PTPRJ: variants seen among roughly 807,000 people sequenced by gnomAD.
PTPRJ encodes receptor-type tyrosine-protein phosphatase eta.
Under a neutral mutation model 141.3 loss-of-function variants are expected in PTPRJ, and 129 were observed. That is an observed-to-expected ratio of 0.91 (90% CI 0.79 to 1.06). The LOEUF is 1.06. PTPRJ is among the 50% of genes least tolerant of loss of function. PTPRJ has a pLI of 0.00. For synonymous variants in PTPRJ, 610 were observed against 640.5 expected, an observed-to-expected ratio of 0.95 and a Z score of 0.72; for missense variants, 1,601 against 1,679.7, an observed-to-expected ratio of 0.95 and a Z score of 0.82.
At chr11:48,144,544 T>A in intron 12 of PTPRJ, 131 bp from the exon 13 acceptor site, 1 of 717,214 alleles carries the variant, frequency 1.4e-6, no homozygotes, top group Non-Finnish European at 2.3e-6. Flanking sequence ...AAGTCAAACC[T>A]GGCACAGAGA....
At chr11:48,011,152 C>T (rs763497977) in intron 1 of PTPRJ, among the ~76,000 whole-genome samples, 11 of 152,086 alleles carry the variant, frequency 7.2e-5, no homozygotes, top group Non-Finnish European at 1.2e-4. Flanking sequence ...CATTGTCATG[C>T]GGGAGTCACC....
At chr11:48,067,519 AT>A (rs1448724011) in intron 1 of PTPRJ, among the ~76,000 whole-genome samples, 3 of 152,202 alleles carry the variant, frequency 2.0e-5, no homozygotes, top group Non-Finnish European at 4.4e-5. Flanking sequence ...TTATTTGGAA[AT>A]TTGAAAGAGA....
intron 1 of PTPRJ, among the ~76,000 whole-genome samples, chr11:48,069,350 T>A (rs1375672328): frequency 6.6e-6 from 1 of 151,848 alleles, no homozygotes; most frequent in Non-Finnish European, 1.5e-5. Flanking sequence ...CCACCTGCCT[T>A]GGCCTCCCAA....
chr11:48,036,953 C>A (rs929542466), intron 1 of PTPRJ, among the ~76,000 whole-genome samples: 2 of 152,196 alleles, frequency 1.3e-5, no homozygotes, highest in Admixed American at 1.3e-4. Context: ...TGGAGCAGCA[C>A]CAGGTAAGTC....
intron 24 of PTPRJ, 42 bp from the exon 25 acceptor site, chr11:48,167,162 C>T: frequency 6.4e-7 from 1 of 1,565,418 alleles, no homozygotes; most frequent in South Asian, 1.1e-5. Context: ...ATTTCTGGGA[C>T]CCATGTTCAT....
chr11:48,052,286 G>A, intron 1 of PTPRJ, among the ~76,000 whole-genome samples: 1 of 152,242 alleles, frequency 6.6e-6, no homozygotes, highest in East Asian at 1.9e-4. Context: ...TGGGAGCATA[G>A]ATGGATGCTT....
chr11:48,029,148 C>T (rs1255252894), intron 1 of PTPRJ, among the ~76,000 whole-genome samples: 4 of 152,136 alleles, frequency 2.6e-5, no homozygotes, highest in Non-Finnish European at 4.4e-5. Context: ...GAGGTCCTGC[C>T]CGCACAGCCT....
intron 10 of PTPRJ, among the ~76,000 whole-genome samples, chr11:48,138,171 A>ACCAGCCTTGATCAAGTCAAG (rs1354041590): frequency 3.9e-5 from 6 of 152,150 alleles, no homozygotes; most frequent in Admixed American, 3.9e-4. Flanking sequence ...GTAGTATAGG[A>ACCAGCCTTGATCAAGTCAAG]GCTCCAGCCT....
intron 1 of PTPRJ, among the ~76,000 whole-genome samples, chr11:48,109,652 C>T (rs907818673): frequency 1.3e-5 from 2 of 152,060 alleles, no homozygotes; most frequent in African/African-American, 4.8e-5. Flanking sequence ...TTGGTATCCC[C>T]CCCACCCAAC....
intron 1 of PTPRJ, among the ~76,000 whole-genome samples, chr11:47,991,638 T>A (rs1854196185): frequency 6.6e-6 from 1 of 152,180 alleles, no homozygotes; most frequent in African/African-American, 2.4e-5. Flanking sequence ...CTTGTTCCTG[T>A]GACCAGGACA....
intron 1 of PTPRJ, among the ~76,000 whole-genome samples, chr11:48,101,934 G>C (rs769205505): frequency 1.3e-5 from 2 of 152,244 alleles, no homozygotes; most frequent in Non-Finnish European, 2.9e-5. Flanking sequence ...GTGGCAGGCA[G>C]AATGGTACAT....
intron 1 of PTPRJ, among the ~76,000 whole-genome samples, chr11:48,019,110 C>G (rs1855034146): frequency 6.6e-6 from 1 of 152,026 alleles, no homozygotes; most frequent in African/African-American, 2.4e-5. Flanking sequence ...TGGGTCCTGC[C>G]CTTCCAGGCT....
intron 2 of PTPRJ, among the ~76,000 whole-genome samples, chr11:48,111,079 A>G (rs7127635): frequency 2.6e-5 from 4 of 151,960 alleles, no homozygotes; most frequent in African/African-American, 9.7e-5. Flanking sequence ...GAGTTCGAGA[A>G]CAGCTTGGCC....
chr11:48,163,708 T>G, intron 23 of PTPRJ, 90 bp downstream of exon 23: 1 of 1,370,862 alleles, frequency 7.3e-7, no homozygotes, highest in Admixed American at 2.0e-5. Context: ...AGAGGGAATG[T>G]AATAGGCATT....
intron 1 of PTPRJ, among the ~76,000 whole-genome samples, chr11:48,088,745 C>T (rs17727563): frequency 0.03 from 4,637 of 152,164 alleles, 107 homozygotes; most frequent in Non-Finnish European, 0.046. Context: ...TTCTGCAGGA[C>T]GGATGAACTA....
chr11:48,111,475 G>A (rs963407889), intron 2 of PTPRJ, among the ~76,000 whole-genome samples: 2 of 151,774 alleles, frequency 1.3e-5, no homozygotes, highest in Admixed American at 6.6e-5. Flanking sequence ...AGCATATATG[G>A]GCAGATCTTG....
chr11:48,096,495 A>G (rs185148664), intron 1 of PTPRJ, among the ~76,000 whole-genome samples: 1 of 152,120 alleles, frequency 6.6e-6, no homozygotes, highest in East Asian at 1.9e-4. Flanking sequence ...TCTCCGCCAA[A>G]ACTATCCTGG....
chr11:48,058,500 A>G (rs1854823657), intron 1 of PTPRJ, among the ~76,000 whole-genome samples: 1 of 152,074 alleles, frequency 6.6e-6, no homozygotes, highest in South Asian at 2.1e-4. Flanking sequence ...GGTGTGAGCC[A>G]CTTTACCCAG....
intron 1 of PTPRJ, among the ~76,000 whole-genome samples, chr11:48,006,288 G>A (rs1467560969): frequency 1.3e-5 from 2 of 150,494 alleles, no homozygotes; most frequent in Non-Finnish European, 3.0e-5. Context: ...GGAAGAGTGG[G>A]AGAGAGAGAG....
Sources: allele counts gnomAD v4.1 joint callset (sites outside exome capture counted in the v4.1 genomes callset), GRCh38; gene constraint gnomAD v4.1.1; transcripts MANE v1.5; gene names NCBI Gene and HGNC (gene_info 2026-07-23, HGNC 2026-07-21).